The following PKD1L1 variants were observed in gnomAD, a reference collection of about 807,000 sequenced individuals.
PKD1L1 encodes polycystin-1-like protein 1.
Under a neutral mutation model 323.4 loss-of-function variants are expected in PKD1L1, and 236 were observed. That is an observed-to-expected ratio of 0.73 (90% CI 0.66 to 0.81). The LOEUF is 0.81. Among genes scored for constraint, PKD1L1 ranks in the 40% least tolerant of loss-of-function variants. The pLI, the probability that PKD1L1 is intolerant of heterozygous loss-of-function variation, is 0.00. For synonymous variants in PKD1L1, 1,344 were observed against 1,335.0 expected, an observed-to-expected ratio of 1.01 and a Z score of -0.15; for missense variants, 3,320 against 3,508.0, an observed-to-expected ratio of 0.95 and a Z score of 1.35.
rs756623974 is a variant in PKD1L1, at chr7:47,792,814, T to C, written c.8356-17A>G. On this transcript the variant is annotated splice_polypyrimidine_tract_variant and intron_variant, in intron 55 of 56. Transcript: ENST00000289672. ...GTAGTAATTCTGAAGGGAAGAAAATTAGATTAGTAAATGCATTCAAGAATC... is the reference window on the plus strand; with the variant it reads ...GTAGTAATTCTGAAGGGAAGAAAATCAGATTAGTAAATGCATTCAAGAATC... 28 of 1,601,216 alleles carry C rather than the reference T, an allele frequency of 1.7e-5. No homozygotes were observed. The highest frequency in any genetic ancestry group is 2.2e-5 in the East Asian group (1 of 44,764).
chr7:47,955,808 A>G, the PKD1L1 span, among the ~76,000 whole-genome samples: 3 of 152,228 alleles, frequency 2.0e-5, no homozygotes, highest in Admixed American at 6.5e-5. Flanking sequence ...AGTGGTATCA[A>G]TTCACATTCC....
At chr7:47,863,270 C>G (rs1255140608) in intron 26 of PKD1L1, among the ~76,000 whole-genome samples, 1 of 152,090 alleles carries the variant, frequency 6.6e-6, no homozygotes, top group Non-Finnish European at 1.5e-5. Flanking sequence ...GCCCACTCTG[C>G]CATGCTGGGT....
chr7:47,792,603 A>C (rs757475639), intron 56 of PKD1L1, 24 bp downstream of exon 56: 9 of 1,566,736 alleles, frequency 5.7e-6, no homozygotes, highest in Non-Finnish European at 7.8e-6. Context: ...GAAAATTGAC[A>C]TAAATAATTT....
intron 50 of PKD1L1, among the ~76,000 whole-genome samples, chr7:47,810,442 G>C (rs953873485): frequency 6.6e-6 from 1 of 152,186 alleles, no homozygotes; most frequent in Non-Finnish European, 1.5e-5. Flanking sequence ...TGATTACCAA[G>C]TATTTGTGGT....
intron 3 of PKD1L1, 56 bp from the exon 4 acceptor site, chr7:47,937,014 A>T (rs550562557): frequency 1.5e-6 from 2 of 1,370,476 alleles, no homozygotes; most frequent in South Asian, 2.4e-5. Flanking sequence ...AACCCAGTAC[A>T]TTTGGGAAAG....
At chr7:47,931,058 G>C (rs769234478) in intron 6 of PKD1L1, 46 bp downstream of exon 6, 3 of 1,567,780 alleles carry the variant, frequency 1.9e-6, no homozygotes, top group Non-Finnish European at 2.6e-6. Flanking sequence ...GTTCCAGACT[G>C]GGGATTGGAG....
chr7:47,941,309 A>G (rs746429319), intron 2 of PKD1L1, among the ~76,000 whole-genome samples: 59 of 152,166 alleles, frequency 3.9e-4, no homozygotes, highest in Non-Finnish European at 6.9e-4. Context: ...AAGGAACCCA[A>G]AGGCCTGCAG....
chr7:47,923,715 G>A (rs1261052468), intron 7 of PKD1L1, among the ~76,000 whole-genome samples: 3 of 151,868 alleles, frequency 2.0e-5, no homozygotes, highest in East Asian at 1.9e-4. Context: ...AGAAGCCAAC[G>A]CCATTTATGA....
At chr7:47,831,125 C>G in intron 42 of PKD1L1, 92 bp downstream of exon 42, 1 of 1,458,654 alleles carries the variant, frequency 6.9e-7, no homozygotes, top group East Asian at 2.3e-5. Flanking sequence ...GAGCCTGCAT[C>G]TGATGAGTTC....
intron 45 of PKD1L1, among the ~76,000 whole-genome samples, chr7:47,826,691 T>C (rs989219601): frequency 4.6e-5 from 7 of 152,334 alleles, no homozygotes; most frequent in African/African-American, 1.7e-4. Flanking sequence ...AGGCTCCTTG[T>C]GGTGGCTGCC....
the PKD1L1 span, among the ~76,000 whole-genome samples, chr7:47,959,501 C>A: frequency 1.3e-5 from 2 of 150,678 alleles, no homozygotes; most frequent in South Asian, 2.1e-4. Context: ...AGGAGCGCCT[C>A]TACCCGGCCG....
Position 47,840,646 on chromosome 7 carries a change from A to C in PKD1L1, c.5446-79T>G. 2 of 1,118,550 alleles carry C rather than the reference A, an allele frequency of 1.8e-6. No individual in the cohort carries two copies. Among genetic ancestry groups the C allele is most frequent in the South Asian group, 2.6e-5 (2 of 77,588 alleles). The allele number at this position is 1,118,550 out of a possible 1,614,324, so 69.3% of individuals were successfully genotyped here. ...GCAATGCTGGGCAGGGCTTCCTCGC[A>C]CTTTCTCCCAGCGTCCCACCCTTCC... is the stretch of plus-strand genomic sequence containing the variant. On this transcript the variant is annotated intron_variant, in intron 34 of 56. Coordinates refer to ENST00000289672, the MANE Select transcript of PKD1L1 (RefSeq NM_138295.5). The surrounding 1 kb of genome is among the most constrained non-coding windows in gnomAD (Gnocchi z 4.1).
intron 14 of PKD1L1, among the ~76,000 whole-genome samples, chr7:47,897,708 C>A (rs977931419): frequency 2.0e-5 from 3 of 152,180 alleles, no homozygotes; most frequent in African/African-American, 7.2e-5. Context: ...ATCCCGGCAC[C>A]AGCACAGGGC....
chr7:47,884,876 G>T (rs74466666), intron 18 of PKD1L1, among the ~76,000 whole-genome samples: 6,965 of 152,154 alleles, frequency 0.046, 380 homozygotes, highest in African/African-American at 0.14. Flanking sequence ...GAGGAGGAGA[G>T]GGAGCTCCAA....
intron 31 of PKD1L1, among the ~76,000 whole-genome samples, chr7:47,848,627 G>A (rs1265947466): frequency 6.6e-6 from 1 of 152,142 alleles, no homozygotes; most frequent in East Asian, 1.9e-4. Flanking sequence ...CCAACATGGA[G>A]AAACTCTGTC....
chr7:47,906,074 A>G, intron 9 of PKD1L1, 112 bp from the exon 10 acceptor site: 1 of 1,084,990 alleles, frequency 9.2e-7, no homozygotes, highest in South Asian at 2.0e-5. Flanking sequence ...TTGAATCTCA[A>G]TAAATTTCAA....
upstream of PKD1L1, among the ~76,000 whole-genome samples, chr7:47,952,179 T>C (rs1318889290): frequency 6.6e-6 from 1 of 152,126 alleles, no homozygotes; most frequent in East Asian, 1.9e-4. Flanking sequence ...GGGCAAATTT[T>C]TGTAATTAGT....
chr7:47,882,282 T>TTCCCTCCC (rs67299719), intron 19 of PKD1L1, among the ~76,000 whole-genome samples, 197 bp from the exon 20 acceptor site: 10 of 146,408 alleles, frequency 6.8e-5, no homozygotes, highest in East Asian at 2.0e-4. Context: ...CAAAGGCATC[T>TTCCCTCCC]TCCCTCCCTC....
At chr7:47,834,814 TA>T (rs1490931515) in intron 39 of PKD1L1, among the ~76,000 whole-genome samples, 152 bp downstream of exon 39, 1 of 152,048 alleles carries the variant, frequency 6.6e-6, no homozygotes, top group African/African-American at 2.4e-5. Context: ...TGACAGAAAA[TA>T]AAATGACTTT....
Sources: allele counts gnomAD v4.1 joint callset (sites outside exome capture counted in the v4.1 genomes callset), GRCh38; gene constraint gnomAD v4.1.1; non-coding constraint Gnocchi (gnomAD v3.1); transcripts MANE v1.5; gene names NCBI Gene and HGNC (gene_info 2026-07-23, HGNC 2026-07-21).